PCDHA3: variants seen among roughly 807,000 people sequenced by gnomAD.
PCDHA3 encodes protocadherin alpha-3.
A neutral mutation model predicts 62.2 loss-of-function variants in PCDHA3; 41 were observed. That is an observed-to-expected ratio of 0.66 (90% confidence interval 0.51 to 0.86). The LOEUF is 0.86. PCDHA3 is among the 40% of genes least tolerant of loss of function. PCDHA3 has a pLI of 0.00. For missense variants in PCDHA3, 1,304 were observed against 1,241.2 expected (o/e 1.05, Z -0.76); for synonymous variants, 640 against 555.4 (o/e 1.15, Z -2.14).
At chr5:140,902,702 C>T (rs78828243) in intron 1 of PCDHA3, among the ~76,000 whole-genome samples, 7,835 of 152,116 alleles carry the variant, frequency 0.052, 268 homozygotes, top group Admixed American at 0.075. Flanking sequence ...AGTCTTTTAT[C>T]TTTCACTCCC....
At chr5:141,003,424 G>A (rs1431935325) in intron 3 of PCDHA3, among the ~76,000 whole-genome samples, 1 of 152,122 alleles carries the variant, frequency 6.6e-6, no homozygotes, top group Non-Finnish European at 1.5e-5. Context: ...TGATTCTTAT[G>A]CCTCAGCCTC....
chr5:141,002,173 C>T (rs1442739241), intron 3 of PCDHA3, among the ~76,000 whole-genome samples: 2 of 152,192 alleles, frequency 1.3e-5, no homozygotes, highest in Non-Finnish European at 2.9e-5. Flanking sequence ...TAGGCAGGCT[C>T]CAGAGTGCTG....
At chr5:140,960,400 G>T (rs566510688) in intron 1 of PCDHA3, among the ~76,000 whole-genome samples, 4 of 152,114 alleles carry the variant, frequency 2.6e-5, no homozygotes, top group African/African-American at 9.6e-5. Context: ...ATGCAAGGGG[G>T]GGTGCCCAAA....
At chr5:140,914,578 A>T (rs1858296) in intron 1 of PCDHA3, among the ~76,000 whole-genome samples, 49,681 of 151,930 alleles carry the variant, frequency 0.33, 8,403 homozygotes, top group East Asian at 0.53. Flanking sequence ...ACATTCAATA[A>T]TTTCATTTAA....
Position 140,803,522 on chromosome 5 carries a change from C to T in PCDHA3, c.2325C>T (p.Ser775=), listed in dbSNP as rs1554122864. 1 of 1,614,246 alleles carries T rather than the reference C, an allele frequency of 6.2e-7. No individual in the cohort carries two copies. The highest frequency in any genetic ancestry group is 1.1e-5 in the South Asian group (1 of 91,088). Residue 775 remains serine, a synonymous_variant, in exon 1 of 4, where the codon AGC becomes AGT. Transcript: ENST00000522353. ...CCGACCTCATGGCTTTTAGCCCTAG[C>T]CTTCCTCCTTGTCCAATTAGCCGGG... The part of the protein sequence containing the change: ...PKTDLMAFSP[S]LPPCPISRDR...
chr5:140,833,882 G>A (rs1377980583), intron 1 of PCDHA3, among the ~76,000 whole-genome samples: 2 of 151,998 alleles, frequency 1.3e-5, no homozygotes, highest in Non-Finnish European at 2.9e-5. Flanking sequence ...AAGTTTCCTG[G>A]GATCTAGATC....
At position 140,843,305 on chromosome 5, in the gene PCDHA3, A is replaced by T. The variant is rs2150356964; in HGVS notation, c.2394+39714A>T. ...TCATGGTGAACCTGCGCTGACCGCCACGGCCACGGTTCTGGTGTCGCTGGT... is the reference window on the plus strand; with the variant it reads ...TCATGGTGAACCTGCGCTGACCGCCTCGGCCACGGTTCTGGTGTCGCTGGT... On this transcript the variant is annotated intron_variant, in intron 1 of 3. Coordinates refer to ENST00000522353, the MANE Select transcript of PCDHA3 (RefSeq NM_018906.3). 1.9e-6 allele frequency: 3 copies of T among 1,595,938 alleles called. No homozygotes were observed. In the East Asian group the frequency reaches 6.7e-5, roughly 36 times the overall value.
At chr5:140,907,846 C>T (rs2073638181) in intron 1 of PCDHA3, among the ~76,000 whole-genome samples, 1 of 152,246 alleles carries the variant, frequency 6.6e-6, no homozygotes, top group Admixed American at 6.5e-5. Flanking sequence ...TTAAAATCCT[C>T]CTCTGCTGAG....
intron 1 of PCDHA3, among the ~76,000 whole-genome samples, chr5:140,950,301 T>G (rs1467140584): frequency 6.6e-6 from 1 of 152,076 alleles, no homozygotes; most frequent in Non-Finnish European, 1.5e-5. Context: ...AAACTTTACT[T>G]AGCAGTTTTT....
intron 1 of PCDHA3, chr5:140,809,708 C>A: frequency 9.3e-7 from 1 of 1,072,272 alleles, no homozygotes. Flanking sequence ...TAACTAAAGT[C>A]TTTTGGAATT....
chr5:140,875,506 C>A, intron 1 of PCDHA3: 1 of 1,613,618 alleles, frequency 6.2e-7, no homozygotes, highest in Non-Finnish European at 8.5e-7. Flanking sequence ...CCCGGGATCC[C>A]AGCGTCTGCT....
intron 1 of PCDHA3, among the ~76,000 whole-genome samples, chr5:140,963,057 A>G (rs1004095673): frequency 1.3e-5 from 2 of 152,186 alleles, no homozygotes; most frequent in African/African-American, 4.8e-5. Context: ...AAGGGTTTCT[A>G]CATTGTGAAG....
intron 1 of PCDHA3, chr5:140,871,449 G>T (rs782722272): frequency 2.7e-5 from 43 of 1,608,644 alleles, no homozygotes; most frequent in Non-Finnish European, 3.7e-5. Flanking sequence ...TGAATAAAGA[G>T]GAGGAAGGGG....
intron 1 of PCDHA3, among the ~76,000 whole-genome samples, chr5:140,950,241 G>T (rs191139851): frequency 2.0e-5 from 3 of 152,014 alleles, no homozygotes; most frequent in African/African-American, 4.8e-5. Flanking sequence ...CCATTAATTT[G>T]TTCCTAAAGA....
At chr5:140,994,704 CA>C (rs1294993555) in intron 3 of PCDHA3, among the ~76,000 whole-genome samples, 1 of 150,730 alleles carries the variant, frequency 6.6e-6, no homozygotes, top group Non-Finnish European at 1.5e-5. Flanking sequence ...GACCCTGTCT[CA>C]AAAAAAAATT....
chr5:140,815,905 A>T (rs1765811325), intron 1 of PCDHA3: 1 of 151,596 alleles, frequency 6.6e-6, no homozygotes, highest in Admixed American at 6.6e-5. Context: ...ATAACATCTC[A>T]CCCCTTTCTG....
intron 1 of PCDHA3, among the ~76,000 whole-genome samples, chr5:140,933,146 C>G (rs1554209206): frequency 1.3e-5 from 2 of 151,920 alleles, no homozygotes. Context: ...GATAGCCACT[C>G]ATTTTGTTCC....
In PCDHA3 at chr5:140,969,495, C is replaced by T. The variant is rs1205771172; in HGVS notation, c.2395-9454C>T. On this transcript the variant is annotated intron_variant, in intron 1 of 3. Transcript: ENST00000522353. The stretch of plus-strand genomic sequence containing the variant: ...TTGATCATAATCTGCTATTTCCTCT[C>T]TAGAAAAATAGCACTAAAGAATTGT... 10 of 1,437,770 alleles carry T rather than the reference C, an allele frequency of 7.0e-6. No homozygotes were observed. The African/African-American group carries it at 7.2e-5, about 10-fold the overall frequency. The allele number at this position is 1,437,770 out of a possible 1,614,324, so 89.1% of individuals were successfully genotyped here. A position where few individuals can be genotyped will look rare whatever the true frequency, so the allele number is the denominator to read the frequency against.
intron 1 of PCDHA3, chr5:140,875,216 A>G: frequency 1.4e-6 from 1 of 717,612 alleles, no homozygotes. Flanking sequence ...ACCGAAAAGA[A>G]CCTCAGGATC....
Sources: gnomAD v4.1 joint callset for allele counts (sites outside exome capture counted in the v4.1 genomes callset) on GRCh38, gnomAD v4.1.1 for gene constraint, MANE v1.5 for transcripts, NCBI Gene and HGNC (gene_info 2026-07-23, HGNC 2026-07-21) for gene names.